The following KLHL13 variants were observed in gnomAD, a reference collection of about 807,000 sequenced individuals.
KLHL13 encodes kelch like family member 13.
Under a neutral mutation model 37.1 loss-of-function variants are expected in KLHL13, and 10 were observed. The ratio of observed to expected loss-of-function variants is 0.27; its 90% CI spans 0.17 to 0.46. KLHL13 has a LOEUF of 0.46. KLHL13 is among the 20% of genes least tolerant of loss of function. The pLI is 1.00. For synonymous variants in KLHL13, 163 were observed against 181.2 expected, an observed-to-expected ratio of 0.90 and a Z score of 0.81; for missense variants, 360 against 509.3, an observed-to-expected ratio of 0.71 and a Z score of 2.82.
intron 1 of KLHL13, among the ~76,000 whole-genome samples, chrX:118,014,384 G>A (rs1449368775): frequency 2.7e-5 from 3 of 111,861 alleles, no homozygotes; most frequent in Non-Finnish European, 5.6e-5. Flanking sequence ...AGGCTTACTA[G>A]GATTGGGAAA....
At chrX:118,062,711 T>C (rs2054754799) in intron 1 of KLHL13, among the ~76,000 whole-genome samples, 1 of 110,686 alleles carries the variant, frequency 9.0e-6, no homozygotes, top group Non-Finnish European at 1.9e-5. Flanking sequence ...TGTATATAAG[T>C]AGGTCACACT....
At chrX:118,039,399 C>A (rs932427742) in intron 1 of KLHL13, among the ~76,000 whole-genome samples, 9 of 112,217 alleles carry the variant, frequency 8.0e-5, no homozygotes, top group African/African-American at 2.9e-4. Context: ...TCACCACAAG[C>A]TGACTGAGGA....
chrX:118,071,667 C>T lies in KLHL13; in HGVS notation c.-56+44841G>A, dbSNP rs778886538. 7.6e-3 allele frequency among the ~76,000 whole-genome samples: 834 copies of T among 109,841 alleles called. 7 individuals carry two copies. Among genetic ancestry groups the T allele is most frequent in the African/African-American group, 0.027 (801 of 30,054 alleles). The stretch of plus-strand genomic sequence containing the variant: ...AAAATCAATGTACAAAAATCACAAG[C>T]ATTCTTATACACCAACAACAGACAA... On this transcript the variant is annotated intron_variant, in intron 1 of 6. Transcript: ENST00000371882.
intron 1 of KLHL13, among the ~76,000 whole-genome samples, chrX:118,060,692 T>C (rs1443759283): frequency 9.0e-6 from 1 of 111,296 alleles, no homozygotes; most frequent in Non-Finnish European, 1.9e-5. Flanking sequence ...GTCAGAATTC[T>C]AACCTTGAAA....
At chrX:117,981,782 A>G (rs1185729189) in intron 1 of KLHL13, among the ~76,000 whole-genome samples, 2 of 111,806 alleles carry the variant, frequency 1.8e-5, no homozygotes, top group Non-Finnish European at 3.8e-5. Context: ...GAACAACATA[A>G]CATGTATTCC....
intron 5 of KLHL13, among the ~76,000 whole-genome samples, chrX:117,908,791 A>G (rs1930767073): frequency 1.8e-5 from 2 of 112,205 alleles, no homozygotes; most frequent in African/African-American, 6.5e-5. Flanking sequence ...ATTCACAGTG[A>G]ACAAACTTTG....
intron 1 of KLHL13, among the ~76,000 whole-genome samples, chrX:117,979,896 T>C (rs185481563): frequency 8.9e-6 from 1 of 112,033 alleles, no homozygotes; most frequent in African/African-American, 3.2e-5. Flanking sequence ...ACTTCCTAAG[T>C]ATCTCCTTAA....
intron 4 of KLHL13, among the ~76,000 whole-genome samples, chrX:117,916,924 G>A (rs762647163): frequency 7.2e-5 from 8 of 111,725 alleles, no homozygotes; most frequent in Non-Finnish European, 1.3e-4. Flanking sequence ...TTAGCTCATG[G>A]AAGAACTTCA....
At chrX:117,979,080 G>A (rs1366297842) in intron 1 of KLHL13, among the ~76,000 whole-genome samples, 3 of 110,476 alleles carry the variant, frequency 2.7e-5, no homozygotes, top group South Asian at 3.9e-4. Context: ...ACAGGCATGC[G>A]CCACCACGCC....
rs975582124 is a variant in KLHL13, at chrX:117,943,693, T to C, written c.240+1741A>G. Among the ~76,000 whole-genome samples, 18 of 109,265 alleles carry C rather than the reference T, an allele frequency of 1.6e-4. No individual in the cohort carries two copies. In the Admixed American group the frequency reaches 1.8e-3, roughly 11 times the overall value. 94.9% of individuals were successfully genotyped at this position (109,265 alleles called of 115,157 possible). ...CAGCTCCATCAGGTCATTTATGTTC[T>C]TCTCTAAACTGGTTATTCTAGTTAG... On this transcript the variant is annotated intron_variant, in intron 2 of 6. Transcript: ENST00000262820.
At chrX:118,071,064 T>C (rs1182853479) in intron 1 of KLHL13, among the ~76,000 whole-genome samples, 9 of 111,484 alleles carry the variant, frequency 8.1e-5, no homozygotes, top group Non-Finnish European at 1.5e-4. Context: ...ACTTCATCCA[T>C]GTCCCTACAA....
intron 1 of KLHL13, among the ~76,000 whole-genome samples, chrX:118,039,317 G>T (rs951373332): frequency 8.9e-6 from 1 of 111,995 alleles, no homozygotes; most frequent in Admixed American, 9.5e-5. Flanking sequence ...ACTCCTGGAC[G>T]GTATTTCTGG....
At chrX:117,959,158 C>A (rs988401792) in intron 1 of KLHL13, among the ~76,000 whole-genome samples, 1 of 111,537 alleles carries the variant, frequency 9.0e-6, no homozygotes, top group Non-Finnish European at 1.9e-5. Flanking sequence ...ATTAATGAAC[C>A]AAGTCTCCAG....
chrX:118,104,002 G>A (rs1356357299), intron 1 of KLHL13, among the ~76,000 whole-genome samples: 2 of 89,153 alleles, frequency 2.2e-5, no homozygotes, highest in Non-Finnish European at 4.2e-5. Flanking sequence ...CTTGAGCCCA[G>A]AAGTTCAAGA....
chrX:117,983,274 T>C (rs1322341526), intron 1 of KLHL13, among the ~76,000 whole-genome samples: 4 of 111,417 alleles, frequency 3.6e-5, no homozygotes, highest in Admixed American at 9.6e-5. Context: ...TGAAAGCATG[T>C]TGGAAAATAT....
chrX:118,065,955 T>C (rs1278448540), intron 1 of KLHL13, among the ~76,000 whole-genome samples: 1 of 112,073 alleles, frequency 8.9e-6, no homozygotes, highest in African/African-American at 3.2e-5. Flanking sequence ...GCTGATAGTA[T>C]ATTATCTAAA....
In KLHL13 at chrX:117,909,967, T is replaced by G. The variant is rs376980452; in HGVS notation, c.700A>C (p.Lys234Gln). 3.5e-5 allele frequency: 42 copies of G among 1,209,230 alleles called. No homozygotes were observed. In the East Asian group the frequency reaches 8.6e-4, roughly 25 times the overall value. Residue 234 changes from lysine to glutamine, a missense_variant, in exon 5 of 7, where the codon AAA (lysine) becomes CAA (glutamine). Lys to Gln is a moderately conservative substitution (Grantham distance 53, BLOSUM62 1). This residue lies in a region of KLHL13 where 194 missense variants were observed against 225.0 expected (regional missense o/e 0.86). Transcript: ENST00000262820. ...AAGGCAAGACGCTCAAAAGGGAGTT[T>G]CAAGAACTCCCCTGTGCTCAGCAAT...
rs144468622 is a variant in KLHL13 at position 117,970,970 on chromosome X, A to T, written c.98+1761T>A. Among the ~76,000 whole-genome samples, 1,040 of 111,928 alleles carry T rather than the reference A, an allele frequency of 9.3e-3. 15 individuals are homozygous for T. The highest frequency in any genetic ancestry group is 0.032 in the African/African-American group (977 of 30,925). On this transcript the variant is annotated intron_variant, in intron 1 of 6. Coordinates refer to ENST00000262820, the Ensembl canonical transcript of KLHL13. Reference sequence around the variant, plus strand: ...TGTGTACTACCAACAACCAACAGTCAACATGCAAGATCTATTATATTTTGT... The same window carrying T: ...TGTGTACTACCAACAACCAACAGTCTACATGCAAGATCTATTATATTTTGT...
intron 1 of KLHL13, among the ~76,000 whole-genome samples, chrX:118,091,280 A>G (rs1030056141): frequency 6.2e-4 from 69 of 111,605 alleles, no homozygotes; most frequent in Non-Finnish European, 9.4e-4. Context: ...AAGTATAATA[A>G]AAAAAGTATC....
Sources: gnomAD v4.1 joint callset for allele counts (sites outside exome capture counted in the v4.1 genomes callset) on GRCh38, gnomAD v4.1.1 for gene constraint, gnomAD v4.1.1 regional missense constraint, MANE v1.5 for transcripts, NCBI Gene and HGNC (gene_info 2026-07-23, HGNC 2026-07-21) for gene names.